RFTN2: variants seen among roughly 807,000 people sequenced by gnomAD.
The protein encoded by RFTN2 is raftlin family member 2, also known as raftlin-2.
RFTN2 carries 34 observed loss-of-function variants against 52.7 expected under a neutral mutation model. The observed-to-expected ratio is 0.64, with a 90% CI of 0.49 to 0.86. RFTN2 has a LOEUF of 0.86. Ranked by LOEUF, RFTN2 falls within the 40% of genes least tolerant of loss-of-function variation. The pLI, the probability that RFTN2 is intolerant of heterozygous loss-of-function variation, is 0.00. For synonymous variants in RFTN2, 203 were observed against 217.7 expected, an observed-to-expected ratio of 0.93 and a Z score of 0.59; for missense variants, 536 against 600.1, an observed-to-expected ratio of 0.89 and a Z score of 1.12.
chr2:197,612,737 T>C (rs756754168), intron 7 of RFTN2, among the ~76,000 whole-genome samples: 4 of 152,240 alleles, frequency 2.6e-5, no homozygotes, highest in African/African-American at 7.2e-5. Context: ...AGTGGTGTGA[T>C]ATTGCCTAGG....
chr2:197,627,247 G>A (rs767408776), intron 5 of RFTN2, among the ~76,000 whole-genome samples: 8 of 152,178 alleles, frequency 5.3e-5, no homozygotes, highest in Non-Finnish European at 8.8e-5. Flanking sequence ...CAGCTGCCCA[G>A]TCTCAGTGTG....
intron 3 of RFTN2, among the ~76,000 whole-genome samples, chr2:197,641,669 A>G (rs1340727961): frequency 6.6e-6 from 1 of 152,242 alleles, no homozygotes; most frequent in Non-Finnish European, 1.5e-5. Flanking sequence ...TTACAAACTG[A>G]ATTTTAAAAT....
intron 1 of RFTN2, among the ~76,000 whole-genome samples, chr2:197,673,625 G>C (rs942771072): frequency 2.0e-5 from 3 of 152,118 alleles, no homozygotes; most frequent in African/African-American, 7.2e-5. Flanking sequence ...TCTCTTCTAA[G>C]CACCTAGAGT....
chr2:197,621,385 T>C (rs2088261186), intron 5 of RFTN2, among the ~76,000 whole-genome samples: 1 of 149,740 alleles, frequency 6.7e-6, no homozygotes, highest in South Asian at 2.1e-4. Flanking sequence ...TGCTTTACTG[T>C]GTTTTGCAGA....
At chr2:197,672,215 C>A (rs1038093003) in intron 1 of RFTN2, among the ~76,000 whole-genome samples, 1 of 152,058 alleles carries the variant, frequency 6.6e-6, no homozygotes. Flanking sequence ...ATTCGGCCTA[C>A]CTAGATGAAA....
intron 5 of RFTN2, among the ~76,000 whole-genome samples, chr2:197,626,597 TAAA>T (rs908525862): frequency 3.0e-5 from 2 of 66,418 alleles, no homozygotes; most frequent in Non-Finnish European, 6.1e-5. Flanking sequence ...AAAGTTAAAA[TAAA>T]AAAAAGGAAT....
chr2:197,610,109 G>T (rs762115343), intron 7 of RFTN2, among the ~76,000 whole-genome samples: 3 of 152,012 alleles, frequency 2.0e-5, no homozygotes, highest in Non-Finnish European at 4.4e-5. Context: ...GCTCTTTTTT[G>T]GTTCCATATG....
intron 4 of RFTN2, among the ~76,000 whole-genome samples, 167 bp downstream of exon 4, chr2:197,633,551 C>T (rs1334824156): frequency 1.3e-5 from 2 of 152,098 alleles, no homozygotes; most frequent in Non-Finnish European, 2.9e-5. Flanking sequence ...ACTGCCCTGC[C>T]TTATTGCTAG....
chr2:197,613,209 G>A (rs1017852598), intron 7 of RFTN2, among the ~76,000 whole-genome samples: 1 of 152,120 alleles, frequency 6.6e-6, no homozygotes, highest in Admixed American at 6.6e-5. Flanking sequence ...CAACTTATCA[G>A]AAATTTTGGT....
intron 7 of RFTN2, among the ~76,000 whole-genome samples, chr2:197,612,277 C>G (rs2088073752): frequency 6.6e-6 from 1 of 152,086 alleles, no homozygotes; most frequent in South Asian, 2.1e-4. Flanking sequence ...CTCTCTCACC[C>G]CCTCCCTTAC....
intron 1 of RFTN2, among the ~76,000 whole-genome samples, chr2:197,647,336 C>T (rs925418974): frequency 6.6e-6 from 1 of 152,056 alleles, no homozygotes; most frequent in Admixed American, 6.6e-5. Flanking sequence ...AATCCTTCCA[C>T]GTAGCTGGGA....
chr2:197,644,214 A>G lies in RFTN2; in HGVS notation c.382T>C (p.Cys128Arg). 3 of 1,613,840 alleles carry G rather than the reference A, an allele frequency of 1.9e-6. No individual in the cohort carries two copies. Among genetic ancestry groups the G allele is most frequent in the Non-Finnish European group, 2.5e-6 (3 of 1,179,708 alleles). Residue 128 changes from cysteine (C) to arginine (R), a missense_variant, in exon 3 of 9, where the codon TGT (cysteine) becomes CGT (arginine). Coordinates refer to ENST00000295049, the MANE Select transcript of RFTN2 (RefSeq NM_144629.3). ...QRRPRLVIEECPLTSEAQTND... is the reference protein window; with the variant it reads ...QRRPRLVIEERPLTSEAQTND... The stretch of plus-strand genomic sequence containing the variant: ...GTTTGTGCCTCAGAAGTTAGGGGAC[A>G]TTCCTCAATCACGAGCCTTGGGCGT...
At chr2:197,668,880 T>A (rs2089101111) in intron 1 of RFTN2, among the ~76,000 whole-genome samples, 1 of 152,106 alleles carries the variant, frequency 6.6e-6, no homozygotes, top group Admixed American at 6.5e-5. Flanking sequence ...AACTCTCCCA[T>A]GGTTAGAATT....
chr2:197,606,094 T>C (rs2087957911), intron 7 of RFTN2, among the ~76,000 whole-genome samples: 1 of 152,208 alleles, frequency 6.6e-6, no homozygotes, highest in Non-Finnish European at 1.5e-5. Flanking sequence ...GTGTGGCCTT[T>C]TGGAGGGCCA....
chr2:197,584,175 A>C (rs893059577), intron 8 of RFTN2, among the ~76,000 whole-genome samples: 1 of 152,126 alleles, frequency 6.6e-6, no homozygotes, highest in African/African-American at 2.4e-5. Context: ...TGGTATTTCT[A>C]GTTCTGGATC....
intron 8 of RFTN2, among the ~76,000 whole-genome samples, chr2:197,572,657 C>T (rs2087338462): frequency 6.6e-6 from 1 of 152,158 alleles, no homozygotes; most frequent in African/African-American, 2.4e-5. Flanking sequence ...TAGTTCAGAT[C>T]TATACAGCAG....
At chr2:197,613,926 T>C (rs1474394785) in intron 7 of RFTN2, among the ~76,000 whole-genome samples, 1 of 152,256 alleles carries the variant, frequency 6.6e-6, no homozygotes, top group East Asian at 1.9e-4. Context: ...TAGTAGCATC[T>C]TCCTAAATGG....
intron 8 of RFTN2, among the ~76,000 whole-genome samples, chr2:197,584,618 G>C (rs2087566669): frequency 6.6e-6 from 1 of 152,146 alleles, no homozygotes; most frequent in African/African-American, 2.4e-5. Context: ...AGTTTAATTA[G>C]ATCCCATTTG....
At position 197,616,435 on chromosome 2, in the gene RFTN2, G is replaced by A. The variant is rs563794847; in HGVS notation, c.1051-456C>T. On this transcript the variant is annotated intron_variant, in intron 6 of 8. Coordinates refer to ENST00000295049, the MANE Select transcript of RFTN2 (RefSeq NM_144629.3). Reference sequence around the variant, plus strand: ...GCCGCCTGAGTAACTGGGACTACAGGTGCATGACACTATGCCTGGTTAATT... The same window carrying A: ...GCCGCCTGAGTAACTGGGACTACAGATGCATGACACTATGCCTGGTTAATT... Among the ~76,000 whole-genome samples, 161 of 152,002 alleles carry A rather than the reference G, an allele frequency of 1.1e-3. 1 individual carries two copies. Among genetic ancestry groups the A allele is most frequent in the African/African-American group, 3.7e-3 (152 of 41,442 alleles).
Sources: gnomAD v4.1 joint callset for allele counts (sites outside exome capture counted in the v4.1 genomes callset) on GRCh38, gnomAD v4.1.1 for gene constraint, MANE v1.5 for transcripts, NCBI Gene and HGNC (gene_info 2026-07-23, HGNC 2026-07-21) for gene names.